The following ABTB2 variants were observed in gnomAD, a reference collection of about 807,000 sequenced individuals.
ABTB2 encodes the protein ankyrin repeat and BTB/POZ domain-containing protein 2.
In ABTB2, 56 loss-of-function variants were observed where a neutral mutation model predicts 104.1. The ratio of observed to expected loss-of-function variants is 0.54; its 90% CI spans 0.43 to 0.67. ABTB2 has a LOEUF of 0.67. Among genes scored for constraint, ABTB2 ranks in the 30% least tolerant of loss-of-function variants. The probability of loss-of-function intolerance (pLI) is 0.00; values close to 1 mark genes in which losing one functional copy is unlikely to be tolerated. For synonymous variants in ABTB2, 606 were observed against 608.2 expected (o/e 1.00, Z 0.05); for missense variants, 1,279 against 1,407.7 (o/e 0.91, Z 1.46).
chr11:34,215,772 G>A (rs1312765967), intron 1 of ABTB2, among the ~76,000 whole-genome samples: 1 of 152,198 alleles, frequency 6.6e-6, no homozygotes, highest in African/African-American at 2.4e-5. Flanking sequence ...ACACAGTAAA[G>A]CATATAGTAA....
At chr11:34,183,323 C>T (rs990073869) in intron 3 of ABTB2, among the ~76,000 whole-genome samples, 1 of 152,166 alleles carries the variant, frequency 6.6e-6, no homozygotes, top group Non-Finnish European at 1.5e-5. Context: ...TGGTCTTGAA[C>T]CCCTGGACTC....
At chr11:34,170,793 A>C (rs1852862324) in intron 5 of ABTB2, 113 bp downstream of exon 5, 2 of 1,345,376 alleles carry the variant, frequency 1.5e-6, no homozygotes, top group Non-Finnish European at 2.0e-6. Context: ...CGCCTTTTCG[A>C]AGTACAGAGC....
At chr11:34,299,425 G>C (rs7106923) in intron 1 of ABTB2, among the ~76,000 whole-genome samples, 1 of 152,080 alleles carries the variant, frequency 6.6e-6, no homozygotes, top group East Asian at 1.9e-4. Context: ...AGGGTATCAG[G>C]TTCCCTTATT....
chr11:34,157,209 A>G (rs1444995875), intron 14 of ABTB2, among the ~76,000 whole-genome samples: 1 of 152,236 alleles, frequency 6.6e-6, no homozygotes, highest in Non-Finnish European at 1.5e-5. Context: ...ATCTGAAATG[A>G]TGCCCTGGAT....
At chr11:34,323,034 G>A (rs1420845882) in intron 1 of ABTB2, among the ~76,000 whole-genome samples, 1 of 152,146 alleles carries the variant, frequency 6.6e-6, no homozygotes, top group African/African-American at 2.4e-5. Flanking sequence ...CTTAGCTCGA[G>A]TAGCTGGGAT....
chr11:34,334,941 T>C (rs1190007652), intron 1 of ABTB2, among the ~76,000 whole-genome samples: 2 of 152,202 alleles, frequency 1.3e-5, no homozygotes, highest in Non-Finnish European at 2.9e-5. Context: ...TTCAATGATA[T>C]GAATAATGAA....
At chr11:34,310,867 A>T (rs1253397858) in intron 1 of ABTB2, among the ~76,000 whole-genome samples, 1 of 152,076 alleles carries the variant, frequency 6.6e-6, no homozygotes, top group Non-Finnish European at 1.5e-5. Flanking sequence ...CACACGACAC[A>T]CTCAAAAACA....
At chr11:34,210,443 T>C (rs1025411630) in intron 1 of ABTB2, among the ~76,000 whole-genome samples, 17 of 152,204 alleles carry the variant, frequency 1.1e-4, no homozygotes, top group African/African-American at 3.9e-4. Context: ...TTCCCCCATA[T>C]ACACACACAC....
Position 34,152,381 on chromosome 11 carries a change from C to T in ABTB2, c.*6G>A, listed in dbSNP as rs1194248838. On this transcript the variant is annotated 3_prime_UTR_variant, in exon 17 of 17. Transcript: ENST00000435224. ...GCCCTGGCCTCGGCAGCCTCCGCCC[C>T]CTGCCTCACACCCGGGAGGTGATGT... 1.2e-5 allele frequency: 18 copies of T among 1,556,804 alleles called. No homozygotes were observed. The highest frequency in any genetic ancestry group is 1.5e-5 in the Non-Finnish European group (17 of 1,151,338).
Position 34,197,342 on chromosome 11 carries a change from C to A in ABTB2, c.1227G>T (p.Met409Ile). 3 of 1,614,114 alleles carry A rather than the reference C, an allele frequency of 1.9e-6. No individual in the cohort carries two copies. Among genetic ancestry groups the A allele is most frequent in the South Asian group, 1.1e-5 (1 of 91,060 alleles). The part of the protein sequence containing the change: ...MENPNLDPPR[M>I]TLNNERPFML... ...ATCCCTACCGTTCATTGTTCAAGGT[C>A]ATTCTCGGGGGGTCCAGGTTGGGGT... The change falls in exon 3 of 17, where the codon ATG becomes ATT. Residue 409 changes from methionine to isoleucine, a missense_variant. Coordinates refer to ENST00000435224, the MANE Select transcript of ABTB2 (RefSeq NM_145804.3).
chr11:34,293,973 T>C (rs931038566), intron 1 of ABTB2, among the ~76,000 whole-genome samples: 1 of 152,136 alleles, frequency 6.6e-6, no homozygotes, highest in African/African-American at 2.4e-5. Flanking sequence ...GGAATCTGGG[T>C]AAATGAAGTA....
At chr11:34,339,073 C>T (rs1212037864) in intron 1 of ABTB2, among the ~76,000 whole-genome samples, 1 of 152,140 alleles carries the variant, frequency 6.6e-6, no homozygotes, top group Non-Finnish European at 1.5e-5. Flanking sequence ...GTTTTATATA[C>T]ATTTTGCTAT....
intron 1 of ABTB2, chr11:34,335,788 T>C (rs1219751603): frequency 3.6e-6 from 5 of 1,370,880 alleles, no homozygotes; most frequent in Non-Finnish European, 5.2e-6. Flanking sequence ...CCCAGGAAGC[T>C]TGAACCTCTG....
At chr11:34,160,416 A>C in intron 11 of ABTB2, 63 bp from the exon 12 acceptor site, 1 of 1,195,060 alleles carries the variant, frequency 8.4e-7, no homozygotes, top group Non-Finnish European at 1.2e-6. Context: ...ACAGATGCAG[A>C]TACGTCAGGC....
intron 2 of ABTB2, among the ~76,000 whole-genome samples, chr11:34,197,992 C>A (rs1256133267): frequency 6.6e-6 from 1 of 152,216 alleles, no homozygotes; most frequent in Non-Finnish European, 1.5e-5. Flanking sequence ...TCTGTCTCAG[C>A]ACCAATTACA....
intron 1 of ABTB2, among the ~76,000 whole-genome samples, chr11:34,263,793 C>T (rs960759094): frequency 1.3e-5 from 2 of 152,156 alleles, no homozygotes; most frequent in Non-Finnish European, 2.9e-5. Context: ...TCTCCTAGCC[C>T]ACAAAGTGAC....
At chr11:34,205,577 T>G (rs1853399336) in intron 1 of ABTB2, among the ~76,000 whole-genome samples, 1 of 151,424 alleles carries the variant, frequency 6.6e-6, no homozygotes, top group Non-Finnish European at 1.5e-5. Context: ...GGACAGATTT[T>G]CTTTTTCCAA....
chr11:34,159,794 G>C, intron 13 of ABTB2, 112 bp downstream of exon 13: 1 of 841,992 alleles, frequency 1.2e-6, no homozygotes, highest in Admixed American at 2.2e-5. Context: ...TGCAGTCTGA[G>C]GGGCAGAGGC....
chr11:34,354,793 T>C (rs918904400), intron 1 of ABTB2, among the ~76,000 whole-genome samples: 9 of 152,256 alleles, frequency 5.9e-5, no homozygotes, highest in Non-Finnish European at 7.3e-5. Flanking sequence ...CTTATTCTTG[T>C]TTGGCTTATA....
Sources: allele counts gnomAD v4.1 joint callset (sites outside exome capture counted in the v4.1 genomes callset), GRCh38; gene constraint gnomAD v4.1.1; transcripts MANE v1.5; gene names NCBI Gene and HGNC (gene_info 2026-07-23, HGNC 2026-07-21).